NUDT9: variants seen among roughly 807,000 people sequenced by gnomAD.
The protein encoded by NUDT9 is ADP-ribose pyrophosphatase.
NUDT9 carries 31 observed loss-of-function variants against 41.0 expected under a neutral mutation model. The observed-to-expected ratio is 0.76, with a 90% CI of 0.57 to 1.02. The LOEUF is 1.02. Ranked by LOEUF, NUDT9 falls within the 50% of genes least tolerant of loss-of-function variation. The probability of loss-of-function intolerance (pLI) is 0.00; values close to 1 mark genes in which losing one functional copy is unlikely to be tolerated. For missense variants in NUDT9, 380 were observed against 431.4 expected (o/e 0.88, Z 1.06); for synonymous variants, 146 against 147.6 (o/e 0.99, Z 0.08).
In NUDT9 at chr4:87,458,887, T is replaced by C. The variant is rs940953417; in HGVS notation, c.*866T>C. 6.6e-6 allele frequency: 1 copy of C among 151,964 alleles called. No individual in the cohort carries two copies. Among genetic ancestry groups the C allele is most frequent in the South Asian group, 2.1e-4 (1 of 4,816 alleles). The allele number at this position is 151,964 out of a possible 1,614,324, so 9.4% of individuals were successfully genotyped here. A position where few individuals can be genotyped will look rare whatever the true frequency, so the allele number is the denominator to read the frequency against. On this transcript the variant is annotated 3_prime_UTR_variant, in exon 8 of 8. Transcript: ENST00000302174. ...TTGGTCCAACCATTGTGGAAGAGAGTGTAGAGAGTCCTCAAATATTTAAAG... is the reference window on the plus strand; with the variant it reads ...TTGGTCCAACCATTGTGGAAGAGAGCGTAGAGAGTCCTCAAATATTTAAAG...
chr4:87,448,634 C>T (rs35649088), intron 4 of NUDT9, among the ~76,000 whole-genome samples: 32,483 of 151,986 alleles, frequency 0.21, 4,262 homozygotes, highest in Admixed American at 0.31. Flanking sequence ...GTGCATGCCA[C>T]TGCACCCAGC....
intron 6 of NUDT9, 107 bp downstream of exon 6, chr4:87,451,842 T>C (rs533989864): frequency 3.4e-6 from 3 of 877,632 alleles, no homozygotes; most frequent in African/African-American, 1.7e-5. Context: ...AGTGGAATAC[T>C]TGTATATTTA....
rs764507553 is a variant in NUDT9 at position 87,454,426 on chromosome 4, C to T, written c.845C>T (p.Thr282Ile). 14 of 1,610,122 alleles carry T rather than the reference C, an allele frequency of 8.7e-6. No individual in the cohort carries two copies. Among genetic ancestry groups the T allele is most frequent in the Admixed American group, 1.7e-5 (1 of 60,000 alleles). ...AACACTGATAATGCATGGATGGAGA[C>T]AGAAGCTGTGAACTACCATGACGAA... Reference protein sequence around the residue: ...PRNTDNAWMETEAVNYHDETG... With the variant: ...PRNTDNAWMEIEAVNYHDETG... The change falls in exon 7 of 8, where the codon ACA becomes ATA. Residue 282 changes from threonine (T) to isoleucine (I), a missense_variant. Coordinates refer to ENST00000302174, the MANE Select transcript of NUDT9 (RefSeq NM_024047.5).
chr4:87,455,429 T>C (rs1357033369), intron 7 of NUDT9, among the ~76,000 whole-genome samples: 2 of 152,210 alleles, frequency 1.3e-5, no homozygotes, highest in African/African-American at 4.8e-5. Context: ...TTAACTACTT[T>C]AAAGTTTTGG....
At chr4:87,428,049 T>C (rs1248215983) in intron 1 of NUDT9, among the ~76,000 whole-genome samples, 1 of 152,216 alleles carries the variant, frequency 6.6e-6, no homozygotes, top group African/African-American at 2.4e-5. Context: ...TGAATGAACC[T>C]ACTGCTTTTA....
At chr4:87,454,535 G>A (rs566222056) in intron 7 of NUDT9, 80 bp downstream of exon 7, 2 of 940,580 alleles carry the variant, frequency 2.1e-6, no homozygotes, top group East Asian at 2.4e-5. Flanking sequence ...ATTAAATCTG[G>A]ACTATTTAGC....
intron 1 of NUDT9, among the ~76,000 whole-genome samples, chr4:87,424,827 A>G (rs989047403): frequency 2.6e-5 from 4 of 152,204 alleles, no homozygotes; most frequent in African/African-American, 4.8e-5. Flanking sequence ...GTTGCTTGAC[A>G]GTTATTCTTC....
intron 7 of NUDT9, among the ~76,000 whole-genome samples, chr4:87,455,669 T>C (rs1011772693): frequency 7.3e-5 from 11 of 151,198 alleles, no homozygotes; most frequent in South Asian, 4.2e-4. Flanking sequence ...TTTTTTTTTT[T>C]TTTTAACCCC....
intron 1 of NUDT9, among the ~76,000 whole-genome samples, chr4:87,429,653 C>T (rs1337561606): frequency 6.6e-6 from 1 of 150,628 alleles, no homozygotes; most frequent in East Asian, 1.9e-4. Flanking sequence ...TCCTTTCTTG[C>T]AACTCCCTTT....
intron 4 of NUDT9, among the ~76,000 whole-genome samples, chr4:87,446,715 G>T (rs1578076622): frequency 6.6e-6 from 1 of 152,124 alleles, no homozygotes; most frequent in Non-Finnish European, 1.5e-5. Context: ...TTCCATATCT[G>T]TAAAATAAAG....
chr4:87,424,543 T>A (rs1324806659), intron 1 of NUDT9, among the ~76,000 whole-genome samples: 1 of 152,204 alleles, frequency 6.6e-6, no homozygotes, highest in Non-Finnish European at 1.5e-5. Flanking sequence ...ATTACAGGCG[T>A]GAGCCACCGC....
intron 1 of NUDT9, 45 bp from the exon 2 acceptor site, chr4:87,434,936 A>T (rs922515944): frequency 1.9e-6 from 3 of 1,544,124 alleles, no homozygotes; most frequent in Non-Finnish European, 2.6e-6. Flanking sequence ...TTTAATTAAT[A>T]TATTTTTGGT....
intron 2 of NUDT9, among the ~76,000 whole-genome samples, chr4:87,436,456 G>A (rs1263116857): frequency 6.6e-6 from 1 of 152,116 alleles, no homozygotes; most frequent in Non-Finnish European, 1.5e-5. Flanking sequence ...GACTACAGGT[G>A]TGTGCCACCA....
chr4:87,448,108 T>A (rs1171506761), intron 4 of NUDT9, among the ~76,000 whole-genome samples: 1 of 151,368 alleles, frequency 6.6e-6, no homozygotes, highest in Non-Finnish European at 1.5e-5. Context: ...TCTGCTTTTC[T>A]CTTAGCACAG....
rs1723074480 is a variant in NUDT9 at position 87,458,221 on chromosome 4, C to T, written c.*200C>T. 2.4e-6 allele frequency: 1 copy of T among 416,278 alleles called. No homozygotes were observed. The highest frequency in any genetic ancestry group is 3.7e-5 in the East Asian group (1 of 27,228). The allele number at this position is 416,278 out of a possible 1,614,324, so 25.8% of individuals were successfully genotyped here. A position where few individuals can be genotyped will look rare whatever the true frequency, so the allele number is the denominator to read the frequency against. ...AACACAAAATTTTCAGCTCTTTGGTCAAAAGGAATATAAGTAATCATATTT... is the reference window on the plus strand; with the variant it reads ...AACACAAAATTTTCAGCTCTTTGGTTAAAAGGAATATAAGTAATCATATTT... On this transcript the variant is annotated 3_prime_UTR_variant, in exon 8 of 8. Transcript: ENST00000302174.
chr4:87,455,316 A>T (rs995810838), intron 7 of NUDT9, among the ~76,000 whole-genome samples: 1 of 152,158 alleles, frequency 6.6e-6, no homozygotes, highest in African/African-American at 2.4e-5. Flanking sequence ...CTGTATTTCC[A>T]CTAAGGTGTA....
chr4:87,457,987 G>A lies in NUDT9; in HGVS notation c.1019G>A (p.Ser340Asn). 6.3e-7 allele frequency: 1 copy of A among 1,577,780 alleles called. No individual in the cohort carries two copies. Among genetic ancestry groups the A allele is most frequent in the South Asian group, 1.2e-5 (1 of 85,124 alleles). ...GCTGAGAAACGAGATGCACACTGGAGCGAGGACTCTGAAGCTGACTGCCAT... is the reference window on the plus strand; with the variant it reads ...GCTGAGAAACGAGATGCACACTGGAACGAGGACTCTGAAGCTGACTGCCAT... ...LVAEKRDAHWSEDSEADCHAL is the reference protein window; with the variant it reads ...LVAEKRDAHWNEDSEADCHAL The change falls in exon 8 of 8, where the codon AGC (serine) becomes AAC (asparagine). Residue 340 changes from serine (S) to asparagine (N), a missense_variant. Coordinates refer to ENST00000302174, the MANE Select transcript of NUDT9 (RefSeq NM_024047.5).
intron 1 of NUDT9, among the ~76,000 whole-genome samples, chr4:87,429,805 T>C (rs1286677794): frequency 6.6e-6 from 1 of 151,416 alleles, no homozygotes; most frequent in Non-Finnish European, 1.5e-5. Flanking sequence ...CTTTTCCCTC[T>C]TTCTGTTTGC....
chr4:87,432,141 T>C (rs891279261), intron 1 of NUDT9, among the ~76,000 whole-genome samples: 4 of 152,246 alleles, frequency 2.6e-5, no homozygotes, highest in African/African-American at 4.8e-5. Flanking sequence ...GAGTATCCCT[T>C]ATCTAAAATG....
Sources: gnomAD v4.1 joint callset for allele counts (sites outside exome capture counted in the v4.1 genomes callset) on GRCh38, gnomAD v4.1.1 for gene constraint, MANE v1.5 for transcripts, NCBI Gene and HGNC (gene_info 2026-07-23, HGNC 2026-07-21) for gene names.